WIZ: variants seen among roughly 807,000 people sequenced by gnomAD.
WIZ encodes the protein WIZ zinc finger, also known as protein Wiz.
WIZ carries 25 observed loss-of-function variants against 140.2 expected under a neutral mutation model. The ratio of observed to expected loss-of-function variants is 0.18; its 90% CI spans 0.13 to 0.25. The LOEUF (loss-of-function observed/expected upper bound fraction) is 0.25, where lower values mean the gene tolerates loss of function less well. Among genes scored for constraint, WIZ ranks in the 10% least tolerant of loss-of-function variants. The probability of loss-of-function intolerance (pLI) is 1.00; values close to 1 mark genes in which losing one functional copy is unlikely to be tolerated. For synonymous variants in WIZ, 1,125 were observed against 1,154.3 expected, an observed-to-expected ratio of 0.97 and a Z score of 0.51; for missense variants, 2,231 against 2,632.6, an observed-to-expected ratio of 0.85 and a Z score of 3.34.
chr19:15,430,148 C>T (rs1317507747), intron 6 of WIZ, 59 bp from the exon 7 acceptor site: 17 of 1,447,776 alleles, frequency 1.2e-5, no homozygotes, highest in Middle Eastern at 2.1e-4. Flanking sequence ...CCAGCTCTCC[C>T]GCTTCTCCTC....
Position 15,440,974 on chromosome 19 carries a change from C to T in WIZ, c.279-259G>A, listed in dbSNP as rs904044048. On this transcript the variant is annotated intron_variant, in intron 3 of 12. Coordinates refer to ENST00000673675, the MANE Select transcript of WIZ (RefSeq NM_001371589.1). This position sits in a 1 kb window ranked among gnomAD's most constrained non-coding sequence, Gnocchi z 6.2. Reference sequence around the variant, plus strand: ...CCCCGCTGCATTGTGGGGGAATGTACGGAGACCACCCCTGGGCCACACGGG... The same window carrying T: ...CCCCGCTGCATTGTGGGGGAATGTATGGAGACCACCCCTGGGCCACACGGG... Among the ~76,000 whole-genome samples, 2 of 152,110 alleles carry T rather than the reference C, an allele frequency of 1.3e-5. No homozygotes were observed. Among genetic ancestry groups the T allele is most frequent in the Admixed American group, 6.5e-5 (1 of 15,276 alleles).
At chr19:15,441,371 A>G (rs1969739780) in intron 3 of WIZ, among the ~76,000 whole-genome samples, 1 of 152,228 alleles carries the variant, frequency 6.6e-6, no homozygotes, top group South Asian at 2.1e-4. Flanking sequence ...ATTGGGGGTA[A>G]TTCCCAAGAA....
chr19:15,447,323 C>T (rs181487449), intron 2 of WIZ, among the ~76,000 whole-genome samples: 4 of 152,338 alleles, frequency 2.6e-5, no homozygotes, highest in Admixed American at 6.5e-5. Flanking sequence ...TCACTCCATG[C>T]TCCATTCAAA....
Position 15,428,058 on chromosome 19 carries a change from G to A in WIZ, c.3814+52C>T, listed in dbSNP as rs551148551. ...GAGGGGGCTGTGACCCCCCCCCCGG[G>A]AGGGGCTCCAGGGCCCGCAGTGAGG... On this transcript the variant is annotated intron_variant, in intron 8 of 12. Transcript: ENST00000673675. The surrounding 1 kb of genome is among the most constrained non-coding windows in gnomAD (Gnocchi z 6.4). 1.1e-4 allele frequency: 166 copies of A among 1,518,682 alleles called. No homozygotes were observed. The African/African-American group carries it at 2.1e-3, about 19-fold the overall frequency. 94.1% of individuals were successfully genotyped at this position (1,518,682 alleles called of 1,614,324 possible). A position where few individuals can be genotyped will look rare whatever the true frequency, so the allele number is the denominator to read the frequency against.
chr19:15,447,472 G>A (rs1037228281), intron 2 of WIZ, among the ~76,000 whole-genome samples: 5 of 152,232 alleles, frequency 3.3e-5, no homozygotes, highest in Non-Finnish European at 1.5e-5. Context: ...CTACTAGAGT[G>A]TCAGCCCCTT....
intron 4 of WIZ, 80 bp downstream of exon 4, chr19:15,438,498 C>T (rs111336281): frequency 1.1e-5 from 15 of 1,409,238 alleles, no homozygotes; most frequent in African/African-American, 5.8e-5. Context: ...CCCTGCTTGG[C>T]GCTAAGGGAG....
rs1459350611 is a variant in WIZ at position 15,425,911 on chromosome 19, G to C, written c.4367-143C>G. ...AGGAGGAGGAGGAGGAGGAGGAGGA[G>C]GAGAAGGAGGCGGCGGCTGCGGGCA... On this transcript the variant is annotated intron_variant, in intron 9 of 12. Transcript: ENST00000673675. 3 of 603,406 alleles carry C rather than the reference G, an allele frequency of 5.0e-6. No homozygotes were observed. The African/African-American group carries it at 6.4e-5, about 13-fold the overall frequency. The allele number at this position is 603,406 out of a possible 1,614,324, so 37.4% of individuals were successfully genotyped here.
intron 2 of WIZ, among the ~76,000 whole-genome samples, chr19:15,444,898 G>T (rs1012094485): frequency 6.6e-6 from 1 of 152,216 alleles, no homozygotes; most frequent in African/African-American, 2.4e-5. Context: ...ATGATTCTGC[G>T]ATTGCTGTTG....
chr19:15,449,887 C>A lies in WIZ; in HGVS notation c.-150G>T. On this transcript the variant is annotated 5_prime_UTR_variant, in exon 1 of 13. Coordinates refer to ENST00000673675, the MANE Select transcript of WIZ (RefSeq NM_001371589.1). ...CTGCCGCTACCGCCGCTGCCGCTCC[C>A]GGTGCCGGTGCCGCGGCCTCCGCAG... 1 of 149,764 alleles carries A rather than the reference C, an allele frequency of 6.7e-6. No individual in the cohort carries two copies. The highest frequency in any genetic ancestry group is 1.8e-4 in the South Asian group (1 of 5,638). 9.3% of individuals were successfully genotyped at this position (149,764 alleles called of 1,614,324 possible). A position where few individuals can be genotyped will look rare whatever the true frequency, so the allele number is the denominator to read the frequency against.
Position 15,425,337 on chromosome 19 carries a change from C to G in WIZ, c.4798G>C (p.Asp1600His). 1 of 1,566,162 alleles carries G rather than the reference C, an allele frequency of 6.4e-7. No individual in the cohort carries two copies. Among genetic ancestry groups the G allele is most frequent in the Non-Finnish European group, 8.7e-7 (1 of 1,155,876 alleles). Residue 1600 changes from aspartate to histidine, a missense_variant, in exon 10 of 13, where the codon GAC becomes CAC. This residue lies in a region of WIZ where 393 missense variants were observed against 451.7 expected (regional missense o/e 0.87). Transcript: ENST00000673675. ...TTGACCTCTGCTGGGAGGAGGCGGT[C>G]CTCCTGCAGGGGCCGCTTGGCTGCC... is the stretch of plus-strand genomic sequence containing the variant. ...SVAAKRPLQE[D>H]RLLPAEVKAK...
At position 15,424,226 on chromosome 19, in the gene WIZ, A is replaced by G; in HGVS notation, c.5467T>C (p.Ser1823Pro). The change falls in exon 12 of 13, where the codon TCA becomes CCA. Residue 1823 changes from serine (S) to proline (P), a missense_variant. By Grantham distance (74) the Ser-to-Pro change is moderately conservative. Transcript: ENST00000673675. This position sits in a 1 kb window ranked among gnomAD's most constrained non-coding sequence, Gnocchi z 9.7. ...ATGTTGCCCACGAACTTGACAAGTGATGTCTGGGGGGGCCGGGGCACCAGG... is the reference window on the plus strand; with the variant it reads ...ATGTTGCCCACGAACTTGACAAGTGGTGTCTGGGGGGGCCGGGGCACCAGG... ...PSLVPRPPQT[S>P]LVKFVGNIYT... 6.3e-7 allele frequency: 1 copy of G among 1,577,612 alleles called. No homozygotes were observed. Among genetic ancestry groups the G allele is most frequent in the South Asian group, 1.1e-5 (1 of 86,972 alleles).
In WIZ at chr19:15,420,196, G is replaced by T. The variant is rs1479171370; in HGVS notation, c.*2880C>A. 3 of 152,206 alleles carry T rather than the reference G, an allele frequency of 2.0e-5. No homozygotes were observed. Among genetic ancestry groups the T allele is most frequent in the Non-Finnish European group, 2.9e-5 (2 of 68,042 alleles). The allele number at this position is 152,206 out of a possible 1,614,324, so 9.4% of individuals were successfully genotyped here. On this transcript the variant is annotated 3_prime_UTR_variant, in exon 13 of 13. Coordinates refer to ENST00000673675, the MANE Select transcript of WIZ (RefSeq NM_001371589.1). ...TAAATCTCTGACAGCTGAAGACATT[G>T]GTCATGGGTTGGTGATGGATAGATG... is the stretch of plus-strand genomic sequence containing the variant.
chr19:15,438,822 C>T lies in WIZ; in HGVS notation c.2172G>A (p.Ala724=), dbSNP rs776013487. 25 of 1,505,488 alleles carry T rather than the reference C, an allele frequency of 1.7e-5. No homozygotes were observed. Among genetic ancestry groups the T allele is most frequent in the South Asian group, 1.3e-4 (11 of 82,052 alleles). The allele number at this position is 1,505,488 out of a possible 1,614,324, so 93.3% of individuals were successfully genotyped here. The change falls in exon 4 of 13, where the codon GCG becomes GCA. Residue 724 remains alanine (A), a synonymous_variant. Coordinates refer to ENST00000673675, the MANE Select transcript of WIZ (RefSeq NM_001371589.1). ...AHPLDFLLLD[A]PLGGPLGLDT... ...CCAGCCCCAGCGGGCCGCCCAGCGG[C>T]GCGTCCAGGAGCAGGAAGTCCAGGG... is the stretch of plus-strand genomic sequence containing the variant.
chr19:15,436,920 G>A lies in WIZ; in HGVS notation c.2626C>T (p.Arg876Ter). ...CTGCCAGGCGGACCCCCAGGCTCTC[G>A]GCCCAGGGGGCTGGGGGGCTGCTCA... is the stretch of plus-strand genomic sequence containing the variant. ...AAEQPPSPLGREPGGPPGSFL... is the reference protein window; with the variant it reads ...AAEQPPSPLG The change falls in exon 5 of 13, where the codon CGA (arginine) becomes TGA (stop). Residue 876 changes from arginine (R) to a stop codon, truncating the protein, a stop_gained. Coordinates refer to ENST00000673675, the MANE Select transcript of WIZ (RefSeq NM_001371589.1). LOFTEE classifies it high-confidence loss of function. 1 of 1,612,758 alleles carries A rather than the reference G, an allele frequency of 6.2e-7. No homozygotes were observed. Among genetic ancestry groups the A allele is most frequent in the Non-Finnish European group, 8.5e-7 (1 of 1,179,484 alleles).
Position 15,424,955 on chromosome 19 carries a change from G to A in WIZ, c.4972C>T (p.Leu1658=). The A allele has an allele frequency of 6.2e-7, 1 of 1,608,686 alleles. No homozygotes were observed. The highest frequency in any genetic ancestry group is 8.5e-7 in the Non-Finnish European group (1 of 1,178,378). Residue 1658 remains leucine, a synonymous_variant, in exon 11 of 13, where the codon CTG becomes TTG. Coordinates refer to ENST00000673675, the MANE Select transcript of WIZ (RefSeq NM_001371589.1). The surrounding 1 kb of genome is among the most constrained non-coding windows in gnomAD (Gnocchi z 9.7). ...CACTCGGTCACGCCGAACTGCCGCA[G>A]GTGTGCCCGTGCGTGGCTGGCCAGG... The part of the protein sequence containing the change: ...KALASHARAH[L]RQFGVTEWCV...
Position 15,448,186 on chromosome 19 carries a change from C to T in WIZ, c.122G>A (p.Gly41Asp), listed in dbSNP as rs1157191931. 6.2e-7 allele frequency: 1 copy of T among 1,612,912 alleles called. No homozygotes were observed. Among genetic ancestry groups the T allele is most frequent in the African/African-American group, 1.3e-5 (1 of 74,890 alleles). The change falls in exon 2 of 13, where the codon GGT becomes GAT. Residue 41 changes from glycine to aspartate, a missense_variant. Transcript: ENST00000673675. ...GTAACGGGTGGACCGGAAGATGCCA[C>T]CTTCCCCCTCAGCAGCTTCGGCCCC... Reference protein sequence around the residue: ...EGGAEAAEGEGGIFRSTRYLP... With the variant: ...EGGAEAAEGEDGIFRSTRYLP...
Position 15,440,917 on chromosome 19 carries a change from A to T in WIZ, c.279-202T>A, listed in dbSNP as rs939367714. Among the ~76,000 whole-genome samples the T allele has an allele frequency of 7.9e-5, 12 of 151,640 alleles. No homozygotes were observed. Among genetic ancestry groups the T allele is most frequent in the Non-Finnish European group, 1.8e-4 (12 of 67,870 alleles). On this transcript the variant is annotated intron_variant, in intron 3 of 12. Transcript: ENST00000673675. The surrounding 1 kb of genome is among the most constrained non-coding windows in gnomAD (Gnocchi z 6.2). ...CCTATCGGGTCAAAAGCCAGGTTCA[A>T]CTCCTAGGATGCACCTGTCCACAAA...
At chr19:15,448,402 G>A (rs1177523193) in intron 1 of WIZ, 35 bp from the exon 2 acceptor site, 3 of 1,458,136 alleles carry the variant, frequency 2.1e-6, no homozygotes, top group Non-Finnish European at 2.8e-6. Context: ...TTAGGGGATG[G>A]AGGAAAGGGA....
rs1470860082 is a variant in WIZ, at chr19:15,424,600, A to G, written c.5314+13T>C. ...CCCGCTGCGCTCCCGACCCTCCTCC[A>G]CCAAGCACTCACTGTTGATGTTCTG... On this transcript the variant is annotated intron_variant, in intron 11 of 12. Coordinates refer to ENST00000673675, the MANE Select transcript of WIZ (RefSeq NM_001371589.1). This position sits in a 1 kb window ranked among gnomAD's most constrained non-coding sequence, Gnocchi z 9.7. 5 of 1,583,274 alleles carry G rather than the reference A, an allele frequency of 3.2e-6. No homozygotes were observed. In the South Asian group the frequency reaches 5.6e-5, roughly 18 times the overall value.
Sources: allele counts gnomAD v4.1 joint callset (sites outside exome capture counted in the v4.1 genomes callset), GRCh38; gene constraint gnomAD v4.1.1; regional missense constraint gnomAD v4.1.1; non-coding constraint Gnocchi (gnomAD v3.1); transcripts MANE v1.5; gene names NCBI Gene and HGNC (gene_info 2026-07-23, HGNC 2026-07-21).